RGS3: variants seen among roughly 807,000 people sequenced by gnomAD.
RGS3 encodes the protein regulator of G protein signaling 3.
In RGS3, 80 loss-of-function variants were observed where a neutral mutation model predicts 132.6. The ratio of observed to expected loss-of-function variants is 0.60; its 90% CI spans 0.50 to 0.73. The LOEUF (loss-of-function observed/expected upper bound fraction) is 0.73, where lower values mean the gene tolerates loss of function less well. Among genes scored for constraint, RGS3 ranks in the 30% least tolerant of loss-of-function variants. The probability of loss-of-function intolerance (pLI) is 0.00; values close to 1 mark genes in which losing one functional copy is unlikely to be tolerated. For missense variants in RGS3, 1,382 were observed against 1,530.8 expected, an observed-to-expected ratio of 0.90 and a Z score of 1.62; for synonymous variants, 598 against 620.6, an observed-to-expected ratio of 0.96 and a Z score of 0.54.
chr9:113,514,578 C>T (rs779980550), exon 15 of RGS3: 16 of 1,614,104 alleles, frequency 9.9e-6, no homozygotes, highest in South Asian at 8.8e-5. Flanking sequence ...GTTGTGAGGC[C>T]GCATGCCACG....
intron 20 of RGS3, among the ~76,000 whole-genome samples, chr9:113,585,101 C>T (rs752137821): frequency 5.3e-5 from 8 of 152,306 alleles, no homozygotes; most frequent in East Asian, 1.9e-4. Flanking sequence ...CCAGGCCCTG[C>T]GCTCTGCAAC....
At chr9:113,501,402 C>T (rs1564492467) in intron 10 of RGS3, 2 of 1,437,206 alleles carry the variant, frequency 1.4e-6, no homozygotes, top group Non-Finnish European at 1.8e-6. Flanking sequence ...GCTTATCGTG[C>T]AGAGGCACAC....
intron 18 of RGS3, among the ~76,000 whole-genome samples, chr9:113,533,688 C>CGGGCCA (rs991302023): frequency 2.6e-5 from 4 of 152,290 alleles, no homozygotes; most frequent in Admixed American, 2.0e-4. Context: ...CTGGGAGGCT[C>CGGGCCA]GGGCCAGGGC....
chr9:113,448,726 A>G (rs1829173386), intron 1 of RGS3, among the ~76,000 whole-genome samples: 1 of 152,178 alleles, frequency 6.6e-6, no homozygotes, highest in African/African-American at 2.4e-5. Context: ...AGTGCTTAAT[A>G]ATATATGTTG....
upstream of RGS3, among the ~76,000 whole-genome samples, chr9:113,458,205 C>A (rs1829402401): frequency 6.6e-6 from 1 of 152,260 alleles, no homozygotes. Flanking sequence ...GCGTGAGCCA[C>A]TGTGCCTGGC....
chr9:113,469,568 C>T (rs1047968834), intron 3 of RGS3, among the ~76,000 whole-genome samples: 52 of 152,022 alleles, frequency 3.4e-4, no homozygotes, highest in African/African-American at 1.3e-3. Context: ...AAGTGTCCCC[C>T]CAATAATGTG....
At chr9:113,532,461 C>T (rs1010538444) in intron 18 of RGS3, among the ~76,000 whole-genome samples, 1 of 152,110 alleles carries the variant, frequency 6.6e-6, no homozygotes, top group Non-Finnish European at 1.5e-5. Context: ...CCTTGGAAGC[C>T]TTCTGGGTCC....
intron 10 of RGS3, among the ~76,000 whole-genome samples, chr9:113,498,303 C>T (rs930521288): frequency 5.3e-5 from 8 of 152,202 alleles, no homozygotes; most frequent in Admixed American, 4.6e-4. Context: ...ATGGCCAGGC[C>T]CCCACCTCTG....
intron 17 of RGS3, among the ~76,000 whole-genome samples, chr9:113,527,865 C>A (rs928357073): frequency 2.0e-5 from 3 of 152,144 alleles, no homozygotes; most frequent in Non-Finnish European, 4.4e-5. Flanking sequence ...TACCTTGAGC[C>A]CAGCACTGGC....
At chr9:113,582,567 G>T (rs1449863123) in intron 19 of RGS3, 1 of 152,190 alleles carries the variant, frequency 6.6e-6, no homozygotes, top group Non-Finnish European at 1.5e-5. Flanking sequence ...CTCCCTGTGT[G>T]GTTGTGGCAC....
intron 18 of RGS3, among the ~76,000 whole-genome samples, chr9:113,531,196 A>G (rs1403987178): frequency 6.6e-6 from 1 of 152,206 alleles, no homozygotes; most frequent in Non-Finnish European, 1.5e-5. Context: ...AGTTCCTGCA[A>G]ATACACTGGA....
chr9:113,568,261 C>G (rs907967098), intron 19 of RGS3, among the ~76,000 whole-genome samples: 2 of 152,334 alleles, frequency 1.3e-5, no homozygotes, highest in Middle Eastern at 3.4e-3. Context: ...TCTTTCTGGA[C>G]TCACCAGTGA....
chr9:113,460,952 T>C (rs1829456799), intron 1 of RGS3, among the ~76,000 whole-genome samples: 1 of 152,236 alleles, frequency 6.6e-6, no homozygotes, highest in African/African-American at 2.4e-5. Flanking sequence ...AATCAATCTG[T>C]ATATATGCAT....
chr9:113,593,932 A>G, intron 21 of RGS3: 2 of 1,607,244 alleles, frequency 1.2e-6, no homozygotes, highest in Non-Finnish European at 8.5e-7. Context: ...GGTAACGAGG[A>G]GGCCAGTCAC....
At chr9:113,484,217 A>G (rs765724005) in exon 6 of RGS3, 3 of 1,606,516 alleles carry the variant, frequency 1.9e-6, no homozygotes, top group Admixed American at 3.3e-5. Context: ...CCGGCTTTCC[A>G]CGAGCACTTC....
At chr9:113,459,745 TA>T (rs200691540), upstream of RGS3, among the ~76,000 whole-genome samples, 5,961 of 148,074 alleles carry the variant, frequency 0.04, 164 homozygotes, top group South Asian at 0.1. Flanking sequence ...TCAAAAAAAA[TA>T]AAAAAAAAGA....
upstream of RGS3, among the ~76,000 whole-genome samples, chr9:113,456,372 A>G (rs568614104): frequency 2.8e-4 from 42 of 152,330 alleles, no homozygotes; most frequent in Admixed American, 9.2e-4. Context: ...GCAGGCTCAC[A>G]GTTGAACTCA....
chr9:113,583,833 C>T (rs1322648221), exon 20 of RGS3: 2 of 1,614,020 alleles, frequency 1.2e-6, no homozygotes, highest in East Asian at 2.2e-5. Flanking sequence ...AGGAATCCCC[C>T]ACCCGGGACC....
In RGS3 at chr9:113,565,465, T is replaced by C. The variant is rs1438690028; in HGVS notation, c.2038-17985T>C. The stretch of plus-strand genomic sequence containing the variant: ...GGTGATGCAAGGGTTTTGAAAGCGC[T>C]ACCTAGATGTGGGAGGTGGAACCTG... On this transcript the variant is annotated intron_variant, in intron 19 of 24. Transcript: ENST00000350696. This position sits in a 1 kb window ranked among gnomAD's most constrained non-coding sequence, Gnocchi z 5.7. The C allele has an allele frequency of 1.1e-6, 1 of 914,028 alleles. No individual in the cohort carries two copies. Among genetic ancestry groups the C allele is most frequent in the Non-Finnish European group, 1.5e-6 (1 of 652,746 alleles). 56.6% of individuals were successfully genotyped at this position (914,028 alleles called of 1,614,324 possible).
Sources: gnomAD v4.1 joint callset for allele counts (sites outside exome capture counted in the v4.1 genomes callset) on GRCh38, gnomAD v4.1.1 for gene constraint, Gnocchi (gnomAD v3.1) non-coding constraint, MANE v1.5 for transcripts, NCBI Gene and HGNC (gene_info 2026-07-23, HGNC 2026-07-21) for gene names.